The following HADHA variants were observed in gnomAD, a reference collection of about 807,000 sequenced individuals.
The protein encoded by HADHA is trifunctional enzyme subunit alpha, mitochondrial.
Under a neutral mutation model 91.3 loss-of-function variants are expected in HADHA, and 59 were observed. The ratio of observed to expected loss-of-function variants is 0.65; its 90% CI spans 0.52 to 0.80. HADHA has a LOEUF of 0.80. HADHA is among the 30% of genes least tolerant of loss of function. The pLI is 0.00. For missense variants in HADHA, 800 were observed against 927.6 expected, an observed-to-expected ratio of 0.86 and a Z score of 1.79; for synonymous variants, 320 against 338.9, an observed-to-expected ratio of 0.94 and a Z score of 0.61.
intron 7 of HADHA, among the ~76,000 whole-genome samples, chr2:26,219,136 T>C (rs932579993): frequency 6.6e-6 from 1 of 150,464 alleles, no homozygotes; most frequent in African/African-American, 2.5e-5. Context: ...AAAAAATATA[T>C]ATATTTTTTT....
At chr2:26,220,786 C>G (rs1239423398) in intron 7 of HADHA, among the ~76,000 whole-genome samples, 1 of 152,210 alleles carries the variant, frequency 6.6e-6, no homozygotes, top group African/African-American at 2.4e-5. Flanking sequence ...AACCATATAT[C>G]ATAATTTAGT....
intron 7 of HADHA, among the ~76,000 whole-genome samples, chr2:26,224,418 A>C (rs1670442047): frequency 6.6e-6 from 1 of 152,238 alleles, no homozygotes; most frequent in Non-Finnish European, 1.5e-5. Context: ...TTCTGAATAC[A>C]GTAATGAATA....
rs1670167691 is a variant in HADHA, at chr2:26,214,375, A to C, written c.918+68T>G. ...CTCAACATACATGGTCCAGAATGGCAATAAGGAGGAGTGATCTATATAAAG... is the reference window on the plus strand; with the variant it reads ...CTCAACATACATGGTCCAGAATGGCCATAAGGAGGAGTGATCTATATAAAG... On this transcript the variant is annotated intron_variant, in intron 9 of 19. Coordinates refer to ENST00000380649, the MANE Select transcript of HADHA (RefSeq NM_000182.5). The surrounding 1 kb of genome is among the most constrained non-coding windows in gnomAD (Gnocchi z 4.1). 7 of 822,550 alleles carry C rather than the reference A, an allele frequency of 8.5e-6. No individual in the cohort carries two copies. The allele number at this position is 822,550 out of a possible 1,614,324, so 51.0% of individuals were successfully genotyped here.
intron 6 of HADHA, among the ~76,000 whole-genome samples, chr2:26,231,343 G>T (rs978755190): frequency 6.6e-6 from 1 of 152,124 alleles, no homozygotes; most frequent in African/African-American, 2.4e-5. Context: ...AAGCTATAAG[G>T]TTCAGTGGGC....
chr2:26,203,112 A>G (rs1669886650), intron 12 of HADHA, among the ~76,000 whole-genome samples: 1 of 152,238 alleles, frequency 6.6e-6, no homozygotes, highest in Non-Finnish European at 1.5e-5. Context: ...TCTAGCACAC[A>G]TCATTTTTTT....
At chr2:26,206,451 AC>A in intron 11 of HADHA, among the ~76,000 whole-genome samples, 1 of 151,868 alleles carries the variant, frequency 6.6e-6, no homozygotes, top group Admixed American at 6.6e-5. Context: ...CTGGTCTCGA[AC>A]TCCTGACCTC....
chr2:26,219,005 T>TC (rs1353596280), intron 7 of HADHA, among the ~76,000 whole-genome samples: 1 of 11,500 alleles, frequency 8.7e-5, no homozygotes, highest in East Asian at 2.3e-3. Context: ...AGACTCCGTC[T>TC]CAAAAAAAAA....
At chr2:26,224,467 A>G (rs7586047) in intron 7 of HADHA, among the ~76,000 whole-genome samples, 125,188 of 152,240 alleles carry the variant, frequency 0.82, 51,833 homozygotes, top group African/African-American at 0.93. Context: ...TGTTATGAAT[A>G]TATATAATTA....
chr2:26,201,714 A>T (rs4665319), intron 12 of HADHA, among the ~76,000 whole-genome samples: 2 of 152,104 alleles, frequency 1.3e-5, no homozygotes, highest in Non-Finnish European at 2.9e-5. Flanking sequence ...AAGCAGCCAA[A>T]GTGTGTCTGA....
At chr2:26,204,798 G>C (rs551741988) in intron 11 of HADHA, among the ~76,000 whole-genome samples, 1 of 152,194 alleles carries the variant, frequency 6.6e-6, no homozygotes, top group Admixed American at 6.5e-5. Context: ...GCCCAGGCTG[G>C]TCTCGAACTC....
chr2:26,243,946 C>T (rs1313550836), intron 1 of HADHA, among the ~76,000 whole-genome samples: 1 of 152,204 alleles, frequency 6.6e-6, no homozygotes, highest in Non-Finnish European at 1.5e-5. Flanking sequence ...CAGAACTTCC[C>T]GCTGAAATTC....
chr2:26,193,293 C>CTTTTTT (rs370942158), intron 17 of HADHA, among the ~76,000 whole-genome samples: 19 of 115,162 alleles, frequency 1.6e-4, no homozygotes, highest in Admixed American at 4.8e-4. Context: ...CACATGACAT[C>CTTTTTT]TTTTTTTTTT....
intron 12 of HADHA, among the ~76,000 whole-genome samples, chr2:26,202,768 T>C (rs1362771581): frequency 6.6e-6 from 1 of 152,156 alleles, no homozygotes; most frequent in African/African-American, 2.4e-5. Context: ...AATAAGGTCT[T>C]AAAAGTATGG....
At position 26,191,204 on chromosome 2, in the gene HADHA, C is replaced by A. The variant is rs367911534; in HGVS notation, c.*46G>T. The A allele has an allele frequency of 6.3e-7, 1 of 1,594,520 alleles. No homozygotes were observed. Among genetic ancestry groups the A allele is most frequent in the Non-Finnish European group, 8.6e-7 (1 of 1,163,946 alleles). ...CACTCTGTTGGAGAACCAGCACTGCCGGCAGCTGGGGTTAGTGCACTGACT... is the reference window on the plus strand; with the variant it reads ...CACTCTGTTGGAGAACCAGCACTGCAGGCAGCTGGGGTTAGTGCACTGACT... On this transcript the variant is annotated 3_prime_UTR_variant, in exon 20 of 20. Coordinates refer to ENST00000380649, the MANE Select transcript of HADHA (RefSeq NM_000182.5).
At chr2:26,209,379 T>G (rs1670041138) in intron 11 of HADHA, among the ~76,000 whole-genome samples, 1 of 152,220 alleles carries the variant, frequency 6.6e-6, no homozygotes, top group Admixed American at 6.5e-5. Flanking sequence ...AAGGACAAGA[T>G]TTTAACAATT....
At chr2:26,191,966 G>A (rs563163310) in intron 18 of HADHA, among the ~76,000 whole-genome samples, 339 of 152,294 alleles carry the variant, frequency 2.2e-3, no homozygotes, top group African/African-American at 8.0e-3. Flanking sequence ...TCCTTCCAGC[G>A]GCTCTCTGGG....
chr2:26,244,431 G>A, intron 1 of HADHA, 99 bp downstream of exon 1: 2 of 1,226,500 alleles, frequency 1.6e-6, no homozygotes. Context: ...TCTCCGGGCT[G>A]GGGCAGGCGG....
rs886467974 is a variant in HADHA at position 26,195,094 on chromosome 2, T to C, written c.1618A>G (p.Lys540Glu). Reference sequence around the variant, plus strand: ...AGCTCTGTTATACAGCCCCTTACCTTAACCACAATGATGACCTTCCCCTGC... The same window carrying C: ...AGCTCTGTTATACAGCCCCTTACCTCAACCACAATGATGACCTTCCCCTGC... ...LKQGKVIIVV[K>E]DGPGFYTTRC... is the part of the protein sequence containing the mutation. Residue 540 changes from lysine to glutamate, a missense_variant and splice_region_variant, in exon 15 of 20, where the codon AAG (lysine) becomes GAG (glutamate). Coordinates refer to ENST00000380649, the MANE Select transcript of HADHA (RefSeq NM_000182.5). 4.3e-6 allele frequency: 7 copies of C among 1,612,910 alleles called. No individual in the cohort carries two copies. The Admixed American group carries it at 1.2e-4, about 27-fold the overall frequency.
intron 6 of HADHA, among the ~76,000 whole-genome samples, chr2:26,230,991 A>G (rs1242401132): frequency 6.6e-6 from 1 of 152,186 alleles, no homozygotes; most frequent in African/African-American, 2.4e-5. Flanking sequence ...GTTTTGACAA[A>G]GTCTTTAAAA....
Sources: gnomAD v4.1 joint callset for allele counts (sites outside exome capture counted in the v4.1 genomes callset) on GRCh38, gnomAD v4.1.1 for gene constraint, Gnocchi (gnomAD v3.1) non-coding constraint, MANE v1.5 for transcripts, NCBI Gene and HGNC (gene_info 2026-07-23, HGNC 2026-07-21) for gene names.